NEGR1: variants seen among roughly 807,000 people sequenced by gnomAD.
NEGR1 encodes neuronal growth regulator 1.
In NEGR1, 10 loss-of-function variants were observed where a neutral mutation model predicts 40.9. The observed-to-expected ratio is 0.24, with a 90% CI of 0.15 to 0.42. The LOEUF (loss-of-function observed/expected upper bound fraction) is 0.42, where lower values mean the gene tolerates loss of function less well. Ranked by LOEUF, NEGR1 falls within the 10% of genes least tolerant of loss-of-function variation. The pLI is 1.00. For missense variants in NEGR1, 352 were observed against 438.9 expected (o/e 0.80, Z 1.77); for synonymous variants, 185 against 166.8 (o/e 1.11, Z -0.84).
intron 1 of NEGR1, among the ~76,000 whole-genome samples, chr1:72,275,988 C>CA (rs1176595703): frequency 8.6e-5 from 13 of 151,926 alleles, no homozygotes; most frequent in African/African-American, 2.9e-4. Flanking sequence ...CCCAGCTACT[C>CA]AGAGGGCTAA....
intron 3 of NEGR1, among the ~76,000 whole-genome samples, chr1:71,723,928 G>A (rs867260414): frequency 6.6e-6 from 1 of 152,006 alleles, no homozygotes; most frequent in African/African-American, 2.4e-5. Context: ...ACACCCAGAC[G>A]GTGTCAGTTC....
At chr1:71,661,089 C>T (rs974296625) in intron 4 of NEGR1, among the ~76,000 whole-genome samples, 1 of 152,192 alleles carries the variant, frequency 6.6e-6, no homozygotes, top group African/African-American at 2.4e-5. Context: ...TTTTCTTTAT[C>T]CAGTCTAACA....
intron 4 of NEGR1, among the ~76,000 whole-genome samples, chr1:71,619,139 A>G (rs1317982687): frequency 6.6e-6 from 1 of 152,158 alleles, no homozygotes; most frequent in Non-Finnish European, 1.5e-5. Context: ...TGACTAGTTA[A>G]ATCTCCAACT....
At chr1:71,854,653 A>T (rs142146543) in intron 2 of NEGR1, among the ~76,000 whole-genome samples, 2 of 152,204 alleles carry the variant, frequency 1.3e-5, no homozygotes, top group Non-Finnish European at 2.9e-5. Flanking sequence ...CGACCTCAGG[A>T]AAGTTACAAT....
intron 1 of NEGR1, among the ~76,000 whole-genome samples, chr1:72,052,675 T>C (rs1404351355): frequency 6.6e-6 from 1 of 151,534 alleles, no homozygotes; most frequent in Non-Finnish European, 1.5e-5. Flanking sequence ...CTTACTTTAA[T>C]TTGTACAAAT....
At chr1:72,265,871 A>C (rs1274262113) in intron 1 of NEGR1, among the ~76,000 whole-genome samples, 1 of 150,910 alleles carries the variant, frequency 6.6e-6, no homozygotes, top group Non-Finnish European at 1.5e-5. Context: ...ATAGGACTTA[A>C]TTCTTCTTCC....
intron 3 of NEGR1, among the ~76,000 whole-genome samples, chr1:71,699,441 G>A (rs1653605424): frequency 6.6e-6 from 1 of 151,710 alleles, no homozygotes; most frequent in Non-Finnish European, 1.5e-5. Flanking sequence ...TTGTACAGAA[G>A]GGAAATGTAA....
chr1:71,601,418 CAAAT>C (rs572565023), intron 5 of NEGR1, among the ~76,000 whole-genome samples: 58 of 152,270 alleles, frequency 3.8e-4, no homozygotes, highest in Non-Finnish European at 5.4e-4. Flanking sequence ...GGAGATGTCT[CAAAT>C]AAATAAAAGC....
intron 3 of NEGR1, chr1:71,703,070 C>CAA (rs897780287): frequency 2.0e-5 from 3 of 150,126 alleles, no homozygotes; most frequent in African/African-American, 7.4e-5. Flanking sequence ...AAAAATCCCA[C>CAA]AAATCTGAAA....
chr1:71,522,129 A>T (rs1647161756), intron 6 of NEGR1, among the ~76,000 whole-genome samples: 1 of 152,006 alleles, frequency 6.6e-6, no homozygotes, highest in Admixed American at 6.6e-5. Flanking sequence ...AATATGATAA[A>T]TAGAATTTCT....
At position 71,928,460 on chromosome 1, in the gene NEGR1, AC is replaced by A. The variant is rs1645819669; in HGVS notation, c.409+6618del. ...TACACATATATATGTATATATACAC[AC>A]ATACTTATATATACACATATATATG... On this transcript the variant is annotated intron_variant, in intron 2 of 6. Transcript: ENST00000357731. Among the ~76,000 whole-genome samples the A allele has an allele frequency of 2.2e-5, 3 of 134,836 alleles. No individual in the cohort carries two copies. The South Asian group carries it at 6.7e-4, about 30-fold the overall frequency. The allele number at this position is 134,836 out of a possible 152,430, so 88.5% of individuals were successfully genotyped here. A position where few individuals can be genotyped will look rare whatever the true frequency, so the allele number is the denominator to read the frequency against.
At chr1:71,993,411 A>G (rs551879960) in intron 1 of NEGR1, among the ~76,000 whole-genome samples, 1 of 152,266 alleles carries the variant, frequency 6.6e-6, no homozygotes, top group African/African-American at 2.4e-5. Context: ...TACACTCTCC[A>G]TGTCTCTCTC....
chr1:72,077,801 G>A (rs368242079), intron 1 of NEGR1, among the ~76,000 whole-genome samples: 43 of 152,030 alleles, frequency 2.8e-4, no homozygotes, highest in African/African-American at 9.2e-4. Flanking sequence ...ATAGAGAGAG[G>A]CCCTGTCTCA....
intron 2 of NEGR1, among the ~76,000 whole-genome samples, chr1:71,830,320 AG>A (rs1240312792): frequency 1.3e-5 from 2 of 152,054 alleles, no homozygotes; most frequent in Admixed American, 1.3e-4. Context: ...TTTCTATAAA[AG>A]GGGCTAATAG....
intron 1 of NEGR1, among the ~76,000 whole-genome samples, chr1:72,101,582 C>T (rs1284129177): frequency 6.6e-6 from 1 of 151,942 alleles, no homozygotes; most frequent in East Asian, 1.9e-4. Flanking sequence ...TAGGAGACTT[C>T]TTTTTTTAAA....
chr1:71,458,139 C>T (rs1199660315), intron 6 of NEGR1, among the ~76,000 whole-genome samples: 2 of 152,218 alleles, frequency 1.3e-5, no homozygotes, highest in Non-Finnish European at 2.9e-5. Context: ...CATTGCTACT[C>T]TGAAGAGCTC....
At chr1:71,958,302 G>A (rs1646134886) in intron 1 of NEGR1, among the ~76,000 whole-genome samples, 1 of 152,124 alleles carries the variant, frequency 6.6e-6, no homozygotes. Flanking sequence ...CAAAGCAGGA[G>A]TGAACAGATT....
At chr1:71,848,591 A>T (rs1437338953) in intron 2 of NEGR1, among the ~76,000 whole-genome samples, 1 of 152,222 alleles carries the variant, frequency 6.6e-6, no homozygotes, top group Non-Finnish European at 1.5e-5. Flanking sequence ...CTAAATATTT[A>T]AGCCCACTGT....
chr1:72,143,497 T>A (rs1557548166), intron 1 of NEGR1, among the ~76,000 whole-genome samples: 8 of 151,818 alleles, frequency 5.3e-5, no homozygotes, highest in Admixed American at 3.3e-4. Context: ...AAGGAATCAA[T>A]GTGGCTAAAC....
Sources: gnomAD v4.1 joint callset for allele counts (sites outside exome capture counted in the v4.1 genomes callset) on GRCh38, gnomAD v4.1.1 for gene constraint, MANE v1.5 for transcripts, NCBI Gene and HGNC (gene_info 2026-07-23, HGNC 2026-07-21) for gene names.